HBS1L: variants seen among roughly 807,000 people sequenced by gnomAD.
HBS1L encodes HBS1-like protein.
A neutral mutation model predicts 88.9 loss-of-function variants in HBS1L; 55 were observed. The observed-to-expected ratio is 0.62, with a 90% confidence interval of 0.50 to 0.77. HBS1L has a LOEUF of 0.77. HBS1L is among the 30% of genes least tolerant of loss of function. The pLI is 0.00. For missense variants in HBS1L, 741 were observed against 829.3 expected (o/e 0.89, Z 1.31); for synonymous variants, 267 against 288.5 (o/e 0.93, Z 0.76).
At chr6:135,038,177 C>T (rs1465513456) in intron 4 of HBS1L, 3 of 621,400 alleles carry the variant, frequency 4.8e-6, no homozygotes, top group African/African-American at 1.8e-5. Context: ...TTGATCATTA[C>T]TTAACATGAA....
chr6:134,986,162 G>A lies in HBS1L; in HGVS notation c.1327C>T (p.Pro443Ser). ...TTTTCACCACTGAGACCACTTGTAG[G>A]AATAAAACCTACATCACTCTCCTAT... ...GFKESDVGFIPTSGLSGENLI... is the reference protein window; with the variant it reads ...GFKESDVGFISTSGLSGENLI... The change falls in exon 11 of 18, where the codon CCT (proline) becomes TCT (serine). Residue 443 changes from proline (P) to serine (S), a missense_variant. By Grantham distance (74) the Pro-to-Ser change is moderately conservative. Around this residue, in one of 3 missense-constraint regions of HBS1L, gnomAD observed 556 missense variants for 598.4 expected, o/e 0.93. Transcript: ENST00000367837. 6.4e-7 allele frequency: 1 copy of A among 1,566,564 alleles called. No homozygotes were observed. Among genetic ancestry groups the A allele is most frequent in the South Asian group, 1.1e-5 (1 of 88,982 alleles).
intron 17 of HBS1L, 102 bp from the exon 18 acceptor site, chr6:134,965,392 G>T: frequency 1.2e-6 from 1 of 809,286 alleles, no homozygotes. Flanking sequence ...TATATCAAGA[G>T]AAAATCTTTT....
chr6:135,042,179 T>C, intron 2 of HBS1L, 53 bp from the exon 3 acceptor site: 1 of 1,456,708 alleles, frequency 6.9e-7, no homozygotes, highest in Non-Finnish European at 9.2e-7. Context: ...TCCTATTAAC[T>C]TTTTTTTACA....
chr6:134,997,356 G>T, intron 6 of HBS1L, 41 bp downstream of exon 6: 1 of 1,610,920 alleles, frequency 6.2e-7, no homozygotes. Context: ...GGCAGGCTAA[G>T]GCATGGCTGG....
chr6:134,974,453 C>CA (rs983369853), intron 15 of HBS1L, among the ~76,000 whole-genome samples: 10 of 151,794 alleles, frequency 6.6e-5, no homozygotes, highest in Non-Finnish European at 1.3e-4. Flanking sequence ...AAGGACATAA[C>CA]AAAAAAAGAA....
chr6:134,969,752 T>C lies in HBS1L; in HGVS notation c.1798-414A>G, dbSNP rs138401015. ...TGGGATTGAATCTCAACTCTTTCTC[T>C]TCTGTCTGTACCTCAGTTTCCTCAA... On this transcript the variant is annotated intron_variant, in intron 15 of 17. Transcript: ENST00000367837. Among the ~76,000 whole-genome samples the C allele has an allele frequency of 1.4e-3, 206 of 152,280 alleles. 2 individuals carry two copies. The highest frequency in any genetic ancestry group is 1.8e-4 in the Non-Finnish European group (12 of 68,010).
At chr6:135,050,282 G>C (rs1777041111) in intron 2 of HBS1L, among the ~76,000 whole-genome samples, 1 of 152,154 alleles carries the variant, frequency 6.6e-6, no homozygotes, top group East Asian at 1.9e-4. Flanking sequence ...AGAGGCTTCA[G>C]AATTTCATTA....
chr6:135,015,305 C>T lies in HBS1L; in HGVS notation c.431-12463G>A, dbSNP rs143171982. Among the ~76,000 whole-genome samples, 578 of 152,268 alleles carry T rather than the reference C, an allele frequency of 3.8e-3. 3 individuals are homozygous for T. The highest frequency in any genetic ancestry group is 0.012 in the African/African-American group (517 of 41,546). On this transcript the variant is annotated intron_variant, in intron 4 of 17. Coordinates refer to ENST00000367837, the MANE Select transcript of HBS1L (RefSeq NM_006620.4). ...TTCACATATCATACAGTTGGAGAGC[C>T]ATATGTTAGAGGTCATTTGGTCTTG...
At chr6:135,041,920 A>G in intron 3 of HBS1L, 81 bp downstream of exon 3, 1 of 1,247,618 alleles carries the variant, frequency 8.0e-7, no homozygotes, top group South Asian at 1.3e-5. Flanking sequence ...TCACTGTTAT[A>G]AACACAATAA....
chr6:135,035,726 A>C (rs1329396902), intron 4 of HBS1L: 1 of 156,582 alleles, frequency 6.4e-6, no homozygotes, highest in Non-Finnish European at 1.1e-5. Flanking sequence ...ACTCCAGCCT[A>C]GGCAACAGAG....
rs1333529195 is a variant in HBS1L at position 135,054,785 on chromosome 6, C to G, written c.-94G>C. Reference sequence around the variant, plus strand: ...GGCGCCAACTGCAGCCTGGAGAACCCCTATGCGCCATCTTGGCTTCCCGCA... The same window carrying G: ...GGCGCCAACTGCAGCCTGGAGAACCGCTATGCGCCATCTTGGCTTCCCGCA... On this transcript the variant is annotated 5_prime_UTR_variant, in exon 1 of 18. Transcript: ENST00000367837. 5 of 1,474,258 alleles carry G rather than the reference C, an allele frequency of 3.4e-6. No individual in the cohort carries two copies. In the African/African-American group the frequency reaches 4.2e-5, roughly 12 times the overall value. The allele number at this position is 1,474,258 out of a possible 1,614,324, so 91.3% of individuals were successfully genotyped here.
chr6:135,012,009 C>T (rs1775789673), intron 4 of HBS1L, among the ~76,000 whole-genome samples: 2 of 148,728 alleles, frequency 1.3e-5, no homozygotes, highest in South Asian at 4.3e-4. Flanking sequence ...AAACACAAGT[C>T]AAAGGTGTGG....
chr6:135,031,828 T>A (rs533640760), intron 4 of HBS1L, among the ~76,000 whole-genome samples: 48 of 151,888 alleles, frequency 3.2e-4, no homozygotes, highest in Admixed American at 3.9e-4. Context: ...TTATCAGTTT[T>A]GTTTTTTCTT....
chr6:135,014,350 C>G (rs1224529576), intron 4 of HBS1L, among the ~76,000 whole-genome samples: 1 of 152,138 alleles, frequency 6.6e-6, no homozygotes, highest in Non-Finnish European at 1.5e-5. Flanking sequence ...GATCTTGGAT[C>G]TTCAGAGTTT....
intron 4 of HBS1L, among the ~76,000 whole-genome samples, chr6:135,030,246 G>T (rs1776345971): frequency 6.6e-6 from 1 of 152,160 alleles, no homozygotes; most frequent in Non-Finnish European, 1.5e-5. Context: ...ACAACAGAAA[G>T]TCTATGTATG....
At chr6:134,979,439 C>A in intron 13 of HBS1L, 171 bp from the exon 14 acceptor site, 1 of 568,646 alleles carries the variant, frequency 1.8e-6, no homozygotes, top group Non-Finnish European at 3.2e-6. Context: ...CACACTTCCT[C>A]TAGAACTGAC....
chr6:134,979,310 G>T (rs367634577), intron 13 of HBS1L, 42 bp from the exon 14 acceptor site: 2 of 1,403,390 alleles, frequency 1.4e-6, no homozygotes, highest in Middle Eastern at 1.8e-4. Context: ...GAAACACCTC[G>T]ATATCAAACC....
intron 7 of HBS1L, 49 bp from the exon 8 acceptor site, chr6:134,993,924 T>C (rs771762542): frequency 5.0e-6 from 4 of 798,160 alleles, no homozygotes; most frequent in African/African-American, 3.4e-5. Context: ...AATAGTGCTA[T>C]AGAGTAAATT....
chr6:135,024,181 C>A (rs1361848990), intron 4 of HBS1L, among the ~76,000 whole-genome samples: 1 of 152,126 alleles, frequency 6.6e-6, no homozygotes, highest in East Asian at 1.9e-4. Flanking sequence ...TGGCTCACGC[C>A]TGTAATCCCA....
Sources: gnomAD v4.1 joint callset for allele counts (sites outside exome capture counted in the v4.1 genomes callset) on GRCh38, gnomAD v4.1.1 for gene constraint, gnomAD v4.1.1 regional missense constraint, MANE v1.5 for transcripts, NCBI Gene and HGNC (gene_info 2026-07-23, HGNC 2026-07-21) for gene names.